The following SLC25A48 variants were observed in gnomAD, a reference collection of about 807,000 sequenced individuals.
SLC25A48 encodes solute carrier family 25 member 48, also known as CTC-321K16.1.
SLC25A48 carries 29 observed loss-of-function variants against 32.2 expected under a neutral mutation model. The observed-to-expected ratio is 0.90, with a 90% CI of 0.67 to 1.23. The LOEUF is 1.23. SLC25A48 is among the 50% of genes most tolerant of loss of function. The pLI is 0.00. For missense variants in SLC25A48, 399 were observed against 422.7 expected (o/e 0.94, Z 0.49); for synonymous variants, 164 against 172.3 (o/e 0.95, Z 0.38).
At chr5:135,810,004 G>A (rs939767464) in intron 3 of SLC25A48, among the ~76,000 whole-genome samples, 26 of 152,170 alleles carry the variant, frequency 1.7e-4, no homozygotes, top group African/African-American at 5.5e-4. Context: ...TGCCCAGCTC[G>A]TTTTAAAATT....
Position 135,798,136 on chromosome 5 carries a change from T to C in SLC25A48, c.-520-14387T>C, listed in dbSNP as rs78965978. Among the ~76,000 whole-genome samples the C allele has an allele frequency of 6.5e-3, 982 of 151,784 alleles. 12 individuals are homozygous for C. Among genetic ancestry groups the C allele is most frequent in the African/African-American group, 0.022 (923 of 41,412 alleles). ...TTGTTCCTAATATCCAGGGAGGAGA[T>C]AATAAAATTATTCCAAATATCACAG... On this transcript the variant is annotated intron_variant, in intron 3 of 10. Transcript: ENST00000646290.
At chr5:135,788,692 G>GA (rs398072611) in intron 3 of SLC25A48, among the ~76,000 whole-genome samples, 3 of 150,074 alleles carry the variant, frequency 2.0e-5, no homozygotes, top group Non-Finnish European at 3.0e-5. Context: ...TAATATCCAG[G>GA]GGGGGAAGAG....
intron 4 of SLC25A48, among the ~76,000 whole-genome samples, chr5:135,860,820 C>T (rs990998719): frequency 2.6e-5 from 4 of 152,124 alleles, no homozygotes; most frequent in Admixed American, 6.5e-5. Context: ...ACTTCCAGGG[C>T]GATCCTATGT....
At position 135,879,989 on chromosome 5, in the gene SLC25A48, G is replaced by A. The variant is rs1419536483; in HGVS notation, c.835G>A (p.Val279Met). The A allele has an allele frequency of 2.6e-6, 4 of 1,536,320 alleles. No homozygotes were observed. In the African/African-American group the frequency reaches 4.1e-5, roughly 16 times the overall value. Reference sequence around the variant, plus strand: ...AAAGGTGTTTTTCAGAGGCATCACTGTGAACGCGGTGCGGGGCTTCCCCAT... The same window carrying A: ...AAAGGTGTTTTTCAGAGGCATCACTATGAACGCGGTGCGGGGCTTCCCCAT... The part of the protein sequence containing the change: ...GLKVFFRGIT[V>M]NAVRGFPMSA... The change falls in exon 7 of 8, where the codon GTG becomes ATG. Residue 279 changes from valine to methionine, a missense_variant. Physicochemically the swap from Val to Met is conservative, Grantham distance 21. Transcript: ENST00000681962.
intron 3 of SLC25A48, among the ~76,000 whole-genome samples, chr5:135,763,997 C>T (rs748975616): frequency 1.3e-5 from 2 of 152,138 alleles, no homozygotes; most frequent in Admixed American, 6.5e-5. Context: ...CTCAGCCTCC[C>T]GAGTGCGGGG....
intron 1 of SLC25A48, among the ~76,000 whole-genome samples, chr5:135,622,741 C>T (rs1580730791): frequency 1.3e-5 from 2 of 151,846 alleles, no homozygotes; most frequent in African/African-American, 2.4e-5. Context: ...CAATTTTGTG[C>T]GATGTACATG....
Position 135,784,343 on chromosome 5 carries a change from C to T in SLC25A48, c.-520-28180C>T, listed in dbSNP as rs184841392. On this transcript the variant is annotated intron_variant, in intron 3 of 10. Coordinates refer to the SLC25A48 transcript ENST00000646290. ...CTCCCAATACCCCAGGAAGTTTCCA[C>T]CCCCCTGTGATATAGTTTTTAATAT... Among the ~76,000 whole-genome samples, 8 of 114,480 alleles carry T rather than the reference C, an allele frequency of 7.0e-5. 1 individual carries two copies. In the East Asian group the frequency reaches 1.7e-3, roughly 25 times the overall value. 75.1% of individuals were successfully genotyped at this position (114,480 alleles called of 152,430 possible). A position where few individuals can be genotyped will look rare whatever the true frequency, so the allele number is the denominator to read the frequency against.
intron 1 of SLC25A48, among the ~76,000 whole-genome samples, chr5:135,604,286 A>G (rs536096928): frequency 6.6e-6 from 1 of 152,342 alleles, no homozygotes; most frequent in Admixed American, 6.5e-5. Flanking sequence ...AGCAGTCTGT[A>G]CTTTACCCAG....
At chr5:135,600,993 G>A (rs1299470616) in intron 1 of SLC25A48, 8 of 147,256 alleles carry the variant, frequency 5.4e-5, no homozygotes, top group Non-Finnish European at 1.2e-4. Flanking sequence ...CCCGGCAAGT[G>A]TTTTTTGACT....
At chr5:135,721,933 C>A (rs1290529437) in intron 3 of SLC25A48, among the ~76,000 whole-genome samples, 1 of 152,218 alleles carries the variant, frequency 6.6e-6, no homozygotes, top group African/African-American at 2.4e-5. Flanking sequence ...TTGCTGAAAA[C>A]CAGAAATGAT....
At position 135,766,071 on chromosome 5, in the gene SLC25A48, C is replaced by T. The variant is rs758109042; in HGVS notation, c.-520-46452C>T. ...CAAGGATATGGTTTATAGTATCCAG[C>T]GGGAGAGAGTAATATTTCTCCCCAT... On this transcript the variant is annotated intron_variant, in intron 3 of 10. Coordinates refer to the SLC25A48 transcript ENST00000646290. Among the ~76,000 whole-genome samples, 16 of 151,030 alleles carry T rather than the reference C, an allele frequency of 1.1e-4. No homozygotes were observed. The South Asian group carries it at 2.5e-3, about 24-fold the overall frequency.
At chr5:135,806,274 C>T (rs537971096) in intron 3 of SLC25A48, among the ~76,000 whole-genome samples, 10 of 151,574 alleles carry the variant, frequency 6.6e-5, no homozygotes, top group South Asian at 2.1e-4. Flanking sequence ...GTGGCTATAA[C>T]GGATATCATG....
intron 4 of SLC25A48, chr5:135,821,935 T>C (rs138397012): frequency 4.6e-5 from 7 of 152,368 alleles, no homozygotes; most frequent in Middle Eastern, 3.4e-3. Flanking sequence ...GAAGTGGTGC[T>C]CACTAGAGAC....
intron 3 of SLC25A48, among the ~76,000 whole-genome samples, chr5:135,645,822 T>TAGGC (rs1469389804): frequency 6.6e-6 from 1 of 152,224 alleles, no homozygotes; most frequent in Non-Finnish European, 1.5e-5. Context: ...TCTGCCTGTG[T>TAGGC]AGGCTCATGT....
At chr5:135,825,443 G>A (rs957630486) in intron 4 of SLC25A48, among the ~76,000 whole-genome samples, 1 of 152,158 alleles carries the variant, frequency 6.6e-6, no homozygotes, top group Non-Finnish European at 1.5e-5. Context: ...AGGCCGGTGG[G>A]TTTTAATCCC....
intron 3 of SLC25A48, among the ~76,000 whole-genome samples, chr5:135,708,642 G>A (rs1234900582): frequency 6.6e-6 from 1 of 152,208 alleles, no homozygotes; most frequent in African/African-American, 2.4e-5. Flanking sequence ...AGCTGGGTTC[G>A]AGTCTACAAC....
chr5:135,714,075 A>G (rs1333189885), intron 3 of SLC25A48, among the ~76,000 whole-genome samples: 1 of 152,194 alleles, frequency 6.6e-6, no homozygotes. Context: ...AGAACCATCT[A>G]TGCCTGCCCG....
intron 3 of SLC25A48, among the ~76,000 whole-genome samples, chr5:135,758,094 A>C (rs949653914): frequency 1.1e-4 from 16 of 150,766 alleles, no homozygotes; most frequent in African/African-American, 2.7e-4. Context: ...CGATGATATT[A>C]ATAGAATATC....
intron 1 of SLC25A48, among the ~76,000 whole-genome samples, chr5:135,837,492 C>T (rs1391838862): frequency 6.6e-6 from 1 of 152,198 alleles, no homozygotes; most frequent in Admixed American, 6.5e-5. Flanking sequence ...CAGTCACTAA[C>T]TGCTGCAACA....
Sources: allele counts gnomAD v4.1 joint callset (sites outside exome capture counted in the v4.1 genomes callset), GRCh38; gene constraint gnomAD v4.1.1; transcripts MANE v1.5; gene names NCBI Gene and HGNC (gene_info 2026-07-23, HGNC 2026-07-21).